The following FAM162A variants were observed in gnomAD, a reference collection of about 807,000 sequenced individuals.
FAM162A encodes the protein family with sequence similarity 162 member A, also known as protein FAM162A.
Under a neutral mutation model 21.8 loss-of-function variants are expected in FAM162A, and 23 were observed. The observed-to-expected ratio is 1.05, with a 90% CI of 0.76 to 1.49. The LOEUF (loss-of-function observed/expected upper bound fraction) is 1.49. Among genes scored for constraint, FAM162A ranks in the 40% most tolerant of loss-of-function variants. FAM162A has a pLI of 0.00. For missense variants in FAM162A, 165 were observed against 186.4 expected (o/e 0.89, Z 0.67); for synonymous variants, 53 against 61.3 (o/e 0.86, Z 0.64).
rs777526650 is a variant in FAM162A at position 122,409,876 on chromosome 3, G to A, written c.*45G>A. ...TGGATTTTGAAAATCCAGGAATTATGTTATAACGTGCCTGTATTAAAAAGG... is the reference window on the plus strand; with the variant it reads ...TGGATTTTGAAAATCCAGGAATTATATTATAACGTGCCTGTATTAAAAAGG... On this transcript the variant is annotated 3_prime_UTR_variant, in exon 5 of 5. Coordinates refer to ENST00000477892, the MANE Select transcript of FAM162A (RefSeq NM_014367.4). The A allele has an allele frequency of 1.3e-6, 2 of 1,513,002 alleles. No homozygotes were observed. The highest frequency in any genetic ancestry group is 1.8e-6 in the Non-Finnish European group (2 of 1,088,566). 93.7% of individuals were successfully genotyped at this position (1,513,002 alleles called of 1,614,324 possible).
chr3:122,394,083 T>C (rs1360765075), intron 1 of FAM162A, among the ~76,000 whole-genome samples: 1 of 152,162 alleles, frequency 6.6e-6, no homozygotes, highest in Non-Finnish European at 1.5e-5. Context: ...AGCTGGCATG[T>C]CACATGTCCA....
chr3:122,384,734 A>G (rs2075566220), intron 1 of FAM162A, among the ~76,000 whole-genome samples: 1 of 152,172 alleles, frequency 6.6e-6, no homozygotes, highest in African/African-American at 2.4e-5. Context: ...TATCCCAGAA[A>G]ACCTCCAGTC....
At chr3:122,403,861 G>T (rs189719216) in intron 2 of FAM162A, among the ~76,000 whole-genome samples, 1 of 152,140 alleles carries the variant, frequency 6.6e-6, no homozygotes, top group Non-Finnish European at 1.5e-5. Flanking sequence ...CCACTCTACC[G>T]TGTCCCCCTT....
At chr3:122,397,965 A>G (rs1018715514) in intron 1 of FAM162A, among the ~76,000 whole-genome samples, 1 of 152,214 alleles carries the variant, frequency 6.6e-6, no homozygotes, top group African/African-American at 2.4e-5. Flanking sequence ...AGTCTGGAAT[A>G]TCTTGTCAGA....
intron 1 of FAM162A, chr3:122,401,449 A>G: frequency 8.4e-7 from 1 of 1,184,866 alleles, no homozygotes; most frequent in Non-Finnish European, 1.1e-6. Context: ...ATCAGGCTTG[A>G]CTTGAGAGCA....
intron 1 of FAM162A, among the ~76,000 whole-genome samples, chr3:122,384,971 CT>C (rs202099048): frequency 1.3e-5 from 2 of 150,824 alleles, no homozygotes; most frequent in Non-Finnish European, 3.0e-5. Flanking sequence ...AAGCTTAATT[CT>C]TTTTTTTTGG....
intron 1 of FAM162A, 24 bp downstream of exon 1, chr3:122,384,323 GAGGT>G: frequency 2.6e-6 from 4 of 1,567,852 alleles, no homozygotes; most frequent in Non-Finnish European, 3.5e-6. Context: ...CGGGATATGG[GAGGT>G]AGGGGAGCTG....
chr3:122,409,024 C>T (rs1347385880), intron 4 of FAM162A, among the ~76,000 whole-genome samples: 2 of 151,790 alleles, frequency 1.3e-5, no homozygotes, highest in Non-Finnish European at 2.9e-5. Flanking sequence ...GCTCCCCCAC[C>T]CCCCGCCACA....
chr3:122,388,768 G>C (rs898691661), intron 1 of FAM162A, among the ~76,000 whole-genome samples: 2 of 152,192 alleles, frequency 1.3e-5, no homozygotes, highest in African/African-American at 4.8e-5. Context: ...ATGTATTCAT[G>C]ACCGGGCACG....
At chr3:122,389,283 C>T (rs530351052) in intron 1 of FAM162A, among the ~76,000 whole-genome samples, 2 of 152,086 alleles carry the variant, frequency 1.3e-5, no homozygotes, top group South Asian at 4.2e-4. Context: ...ACATAGTGGA[C>T]CTTCAGTGTT....
intron 1 of FAM162A, among the ~76,000 whole-genome samples, chr3:122,398,192 G>A (rs780188464): frequency 1.3e-4 from 20 of 152,098 alleles, no homozygotes; most frequent in Non-Finnish European, 1.5e-4. Flanking sequence ...TTTTCTGCAC[G>A]GTTTATGCCT....
intron 2 of FAM162A, among the ~76,000 whole-genome samples, chr3:122,403,704 C>T (rs756488009): frequency 6.6e-6 from 1 of 152,148 alleles, no homozygotes; most frequent in Non-Finnish European, 1.5e-5. Context: ...TGAGGTTCTT[C>T]GTGACTCCTT....
chr3:122,384,353 G>A lies in FAM162A; in HGVS notation c.34+54G>A, dbSNP rs577068685. ...AGGGGAGCTGGCCCGGCCGCTGCGG[G>A]TGGGGGAATCCTGAAGCCTTCCTGG... On this transcript the variant is annotated intron_variant, in intron 1 of 4. Transcript: ENST00000477892. 9.8e-4 allele frequency: 1,521 copies of A among 1,551,334 alleles called. 1 individual carries two copies. The highest frequency in any genetic ancestry group is 1.2e-3 in the Non-Finnish European group (1,364 of 1,146,418).
At position 122,411,418 on chromosome 3, in the gene FAM162A, T is replaced by C. The variant is rs997276460; in HGVS notation, c.*1587T>C. The C allele has an allele frequency of 6.6e-6, 1 of 152,230 alleles. No individual in the cohort carries two copies. The highest frequency in any genetic ancestry group is 2.4e-5 in the African/African-American group (1 of 41,462). The allele number at this position is 152,230 out of a possible 1,614,324, so 9.4% of individuals were successfully genotyped here. A position where few individuals can be genotyped will look rare whatever the true frequency, so the allele number is the denominator to read the frequency against. On this transcript the variant is annotated 3_prime_UTR_variant, in exon 5 of 5. Coordinates refer to ENST00000477892, the MANE Select transcript of FAM162A (RefSeq NM_014367.4). ...TCTTATTTTGGGACACCTACACCAATGTTTTAAATGTGGATAAATTTTAAT... is the reference window on the plus strand; with the variant it reads ...TCTTATTTTGGGACACCTACACCAACGTTTTAAATGTGGATAAATTTTAAT...
In FAM162A at chr3:122,384,184, T is replaced by G. The variant is rs1345438078; in HGVS notation, c.-82T>G. 6.5e-7 allele frequency: 1 copy of G among 1,536,912 alleles called. No homozygotes were observed. Among genetic ancestry groups the G allele is most frequent in the Non-Finnish European group, 8.8e-7 (1 of 1,136,244 alleles). Reference sequence around the variant, plus strand: ...CCGGCGCCGCCTGCGTCCTTCCCACTCCAACGCTGGGTGACATTGAGCTCA... The same window carrying G: ...CCGGCGCCGCCTGCGTCCTTCCCACGCCAACGCTGGGTGACATTGAGCTCA... On this transcript the variant is annotated 5_prime_UTR_variant, in exon 1 of 5. Coordinates refer to ENST00000477892, the MANE Select transcript of FAM162A (RefSeq NM_014367.4).
chr3:122,400,489 C>T (rs970385954), intron 1 of FAM162A, among the ~76,000 whole-genome samples: 1 of 152,066 alleles, frequency 6.6e-6, no homozygotes, highest in African/African-American at 2.4e-5. Context: ...CCTGCATGTT[C>T]TGCACATGTA....
chr3:122,390,408 T>C (rs773042383), intron 1 of FAM162A, among the ~76,000 whole-genome samples: 1 of 152,150 alleles, frequency 6.6e-6, no homozygotes, highest in East Asian at 1.9e-4. Context: ...GGTTGTAATA[T>C]TGATTCTCTG....
At chr3:122,407,506 C>T (rs935317987) in intron 4 of FAM162A, 117 bp downstream of exon 4, 2 of 710,330 alleles carry the variant, frequency 2.8e-6, no homozygotes, top group Non-Finnish European at 4.7e-6. Flanking sequence ...TTCTACATTA[C>T]ATGAGAAAAG....
At chr3:122,389,795 T>C (rs781260415) in intron 1 of FAM162A, among the ~76,000 whole-genome samples, 9 of 152,250 alleles carry the variant, frequency 5.9e-5, no homozygotes, top group Non-Finnish European at 8.8e-5. Flanking sequence ...CCCTAAGTGC[T>C]ATGATTATGA....
Sources: gnomAD v4.1 joint callset for allele counts (sites outside exome capture counted in the v4.1 genomes callset) on GRCh38, gnomAD v4.1.1 for gene constraint, MANE v1.5 for transcripts, NCBI Gene and HGNC (gene_info 2026-07-23, HGNC 2026-07-21) for gene names.